FAM193B: variants seen among roughly 807,000 people sequenced by gnomAD.
The protein encoded by FAM193B is family with sequence similarity 193 member B.
A neutral mutation model predicts 70.7 loss-of-function variants in FAM193B; 27 were observed. The observed-to-expected ratio is 0.38, with a 90% CI of 0.28 to 0.53. The LOEUF is 0.53. Ranked by LOEUF, FAM193B falls within the 20% of genes least tolerant of loss-of-function variation. The pLI is 0.81. For synonymous variants in FAM193B, 448 were observed against 436.0 expected (o/e 1.03, Z -0.34); for missense variants, 1,022 against 1,072.5 (o/e 0.95, Z 0.66).
intron 1 of FAM193B, among the ~76,000 whole-genome samples, chr5:177,549,536 A>C (rs1010125004): frequency 3.9e-5 from 6 of 152,358 alleles, no homozygotes; most frequent in African/African-American, 1.4e-4. Flanking sequence ...AAGAGGCTGA[A>C]ACACTTGCAA....
Position 177,538,091 on chromosome 5 carries a change from G to A in FAM193B, c.470C>T (p.Thr157Ile). ...TCCACAAGACTGTGATTTGCAGGAT[G>A]TGTGTGACAAGGAGATCTGGAGAAG... ...EHAVAISLSH[T>I]SCKSQSCGDD... is the part of the protein sequence containing the mutation. Residue 157 changes from threonine to isoleucine, a missense_variant, in exon 3 of 9, where the codon ACA (threonine) becomes ATA (isoleucine). Coordinates refer to ENST00000514747, the MANE Select transcript of FAM193B (RefSeq NM_001190946.3). The surrounding 1 kb of genome is among the most constrained non-coding windows in gnomAD (Gnocchi z 4.1). The A allele has an allele frequency of 1.3e-6, 2 of 1,544,302 alleles. No individual in the cohort carries two copies. Among genetic ancestry groups the A allele is most frequent in the South Asian group, 1.2e-5 (1 of 83,908 alleles).
At chr5:177,536,329 C>G in intron 4 of FAM193B, 29 bp downstream of exon 4, 1 of 1,601,396 alleles carries the variant, frequency 6.2e-7, no homozygotes, top group Non-Finnish European at 8.5e-7. Flanking sequence ...AAGTGGGTAG[C>G]GAGTTTGCCC....
intron 5 of FAM193B, among the ~76,000 whole-genome samples, chr5:177,527,300 G>A (rs923764757): frequency 6.6e-6 from 1 of 152,238 alleles, no homozygotes; most frequent in African/African-American, 2.4e-5. Context: ...GAGAGGCTGA[G>A]AGATAAAGCT....
At chr5:177,553,143 T>C (rs1766522461) in intron 1 of FAM193B, 2 of 984,406 alleles carry the variant, frequency 2.0e-6, no homozygotes, top group African/African-American at 3.5e-5. Context: ...TGTGGGAAGG[T>C]ACCCCAAACG....
In FAM193B at chr5:177,554,510, C is replaced by CCGCCGCCG; in HGVS notation, c.-60_-53dup. The CCGCCGCCG allele has an allele frequency of 1.1e-6, 1 of 890,664 alleles. No homozygotes were observed. The highest frequency in any genetic ancestry group is 1.3e-6 in the Non-Finnish European group (1 of 741,190). The allele number at this position is 890,664 out of a possible 1,614,324, so 55.2% of individuals were successfully genotyped here. The stretch of plus-strand genomic sequence containing the variant: ...CCACACGCCGCCGCCGCCGCCGCCG[C>CCGCCGCCG]CGCCGCCGCCGCCGCCGCCGCTACC... On this transcript the variant is annotated 5_prime_UTR_variant, in exon 1 of 9. Coordinates refer to ENST00000514747, the MANE Select transcript of FAM193B (RefSeq NM_001190946.3).
intron 7 of FAM193B, 140 bp from the exon 8 acceptor site, chr5:177,522,211 A>G (rs927837473): frequency 5.9e-5 from 39 of 661,956 alleles, no homozygotes; most frequent in Middle Eastern, 6.7e-4. Context: ...GCTAGGGTTT[A>G]GCAGGCATAG....
intron 5 of FAM193B, among the ~76,000 whole-genome samples, chr5:177,530,948 C>A (rs1763353004): frequency 6.6e-6 from 1 of 152,222 alleles, no homozygotes; most frequent in Non-Finnish European, 1.5e-5. Flanking sequence ...CACTGGACAG[C>A]TTCTTCTGGG....
intron 5 of FAM193B, among the ~76,000 whole-genome samples, chr5:177,527,361 G>A (rs749028933): frequency 5.9e-5 from 9 of 152,218 alleles, no homozygotes; most frequent in Non-Finnish European, 1.2e-4. Flanking sequence ...GTTTGTGCCC[G>A]AGGGCAATGT....
chr5:177,525,403 G>T, intron 5 of FAM193B, 198 bp from the exon 6 acceptor site: 1 of 437,986 alleles, frequency 2.3e-6, no homozygotes, highest in Non-Finnish European at 3.9e-6. Flanking sequence ...GGCAGGGGTA[G>T]TCACACCCAC....
chr5:177,553,775 G>A, intron 1 of FAM193B: 1 of 1,287,568 alleles, frequency 7.8e-7, no homozygotes, highest in Non-Finnish European at 1.0e-6. Context: ...AGGAGACACA[G>A]CTGCTGAGGG....
intron 5 of FAM193B, chr5:177,531,680 A>G (rs1311020323): frequency 1.4e-6 from 1 of 699,352 alleles, no homozygotes; most frequent in Non-Finnish European, 2.0e-6. Context: ...GCCAGGCTGA[A>G]TCCAGGCGGC....
intron 1 of FAM193B, among the ~76,000 whole-genome samples, chr5:177,542,041 T>C (rs1764921524): frequency 6.6e-6 from 1 of 152,214 alleles, no homozygotes; most frequent in Non-Finnish European, 1.5e-5. Context: ...CCACAATTGG[T>C]TGAATCCACA....
At chr5:177,548,225 T>C (rs1214111652) in intron 1 of FAM193B, among the ~76,000 whole-genome samples, 1 of 152,236 alleles carries the variant, frequency 6.6e-6, no homozygotes, top group African/African-American at 2.4e-5. Context: ...AGAATAGAGC[T>C]TATCATATAT....
chr5:177,531,527 G>A (rs773034169), intron 5 of FAM193B: 2 of 1,294,542 alleles, frequency 1.5e-6, no homozygotes, highest in South Asian at 1.2e-5. Context: ...GGTGGCTGGG[G>A]GTGGGGGGGA....
intron 1 of FAM193B, 176 bp from the exon 2 acceptor site, chr5:177,539,323 A>AT (rs1012718048): frequency 2.4e-5 from 17 of 715,280 alleles, no homozygotes; most frequent in Admixed American, 6.7e-5. Context: ...TCTTATTCCC[A>AT]TTTTTTAAGA....
rs79862307 is a variant in FAM193B, at chr5:177,531,167, G to A, written c.1275+1276C>T. The A allele has an allele frequency of 1.3e-5, 15 of 1,113,374 alleles. No homozygotes were observed. In the East Asian group the frequency reaches 6.7e-4, roughly 50 times the overall value. 69.0% of individuals were successfully genotyped at this position (1,113,374 alleles called of 1,614,324 possible). ...CTCATTCAGACCTTCCCAGAACAGT[G>A]AGCCAAGCTGAGGCCTTTGGCAGCC... is the stretch of plus-strand genomic sequence containing the variant. On this transcript the variant is annotated intron_variant, in intron 5 of 8. Transcript: ENST00000514747.
chr5:177,525,013 A>G lies in FAM193B; in HGVS notation c.1468T>C (p.Phe490Leu). 1.3e-6 allele frequency: 2 copies of G among 1,547,090 alleles called. No individual in the cohort carries two copies. Among genetic ancestry groups the G allele is most frequent in the Non-Finnish European group, 1.7e-6 (2 of 1,149,178 alleles). Residue 490 changes from phenylalanine (F) to leucine (L), a missense_variant, in exon 6 of 9, where the codon TTC becomes CTC. By Grantham distance (22) the Phe-to-Leu change is conservative. Coordinates refer to ENST00000514747, the MANE Select transcript of FAM193B (RefSeq NM_001190946.3). ...NTVKDSIRAS[F>L]SVCELSMDSN... ...TCCATGCTGAGCTCACACACACTGA[A>G]GCTGGCACGGATGGAGTCTTTGACA... is the stretch of plus-strand genomic sequence containing the variant.
intron 7 of FAM193B, chr5:177,523,102 C>G: frequency 4.6e-6 from 1 of 215,166 alleles, no homozygotes; most frequent in Non-Finnish European, 9.9e-6. Flanking sequence ...CAGGTTCCAG[C>G]GATTCTCCTG....
At chr5:177,533,528 A>G (rs1763796426) in intron 4 of FAM193B, among the ~76,000 whole-genome samples, 1 of 152,098 alleles carries the variant, frequency 6.6e-6, no homozygotes, top group Admixed American at 6.6e-5. Context: ...GATGGTCTCG[A>G]TCTCCTGACC....
Sources: gnomAD v4.1 joint callset for allele counts (sites outside exome capture counted in the v4.1 genomes callset) on GRCh38, gnomAD v4.1.1 for gene constraint, Gnocchi (gnomAD v3.1) non-coding constraint, MANE v1.5 for transcripts, NCBI Gene and HGNC (gene_info 2026-07-23, HGNC 2026-07-21) for gene names.